Variants in RAD51B observed in about 807,000 individuals in gnomAD.
RAD51B encodes the protein RAD51 paralog B.
Under a neutral mutation model 42.2 loss-of-function variants are expected in RAD51B, and 38 were observed. The observed-to-expected ratio is 0.90, with a 90% CI of 0.70 to 1.18. The LOEUF (loss-of-function observed/expected upper bound fraction) is 1.18, where lower values mean the gene tolerates loss of function less well. RAD51B is among the 50% of genes most tolerant of loss of function. The pLI is 0.00. For missense variants in RAD51B, 373 were observed against 400.7 expected, an observed-to-expected ratio of 0.93 and a Z score of 0.59; for synonymous variants, 154 against 145.2, an observed-to-expected ratio of 1.06 and a Z score of -0.43.
At chr14:68,404,215 A>C (rs2084199745) in intron 8 of RAD51B, among the ~76,000 whole-genome samples, 1 of 152,202 alleles carries the variant, frequency 6.6e-6, no homozygotes, top group Admixed American at 6.5e-5. Flanking sequence ...GAATTAACCA[A>C]ATTCCAGACA....
chr14:68,336,866 C>T (rs1471797783), intron 8 of RAD51B, among the ~76,000 whole-genome samples: 1 of 152,124 alleles, frequency 6.6e-6, no homozygotes, highest in African/African-American at 2.4e-5. Context: ...GTGCTTTTAA[C>T]CAAATAATGT....
chr14:68,131,219 A>G (rs188877752), intron 7 of RAD51B, among the ~76,000 whole-genome samples: 48 of 152,312 alleles, frequency 3.2e-4, no homozygotes, highest in Middle Eastern at 3.4e-3. Context: ...AAAGGCTGCA[A>G]TGTCACTTAG....
intron 7 of RAD51B, among the ~76,000 whole-genome samples, chr14:68,221,888 G>A (rs940536311): frequency 1.3e-5 from 2 of 152,116 alleles, no homozygotes; most frequent in Non-Finnish European, 2.9e-5. Context: ...GACATGAATA[G>A]ACAATTCTGA....
In RAD51B at chr14:68,618,993, C is replaced by T. The variant is rs1891884132; in HGVS notation, c.1037-31788C>T. Among the ~76,000 whole-genome samples the T allele has an allele frequency of 1.3e-5, 2 of 152,224 alleles. 1 individual carries two copies. The highest frequency in any genetic ancestry group is 4.1e-4 in the South Asian group (2 of 4,832). On this transcript the variant is annotated intron_variant, in intron 10 of 11. Coordinates refer to the RAD51B transcript ENST00000488612. ...AGGAGGAGGCCAGATAAAGACCACT[C>T]ACGTAGAGACAACTATCATTTGGGG...
intron 7 of RAD51B, among the ~76,000 whole-genome samples, chr14:68,147,613 G>A (rs942974873): frequency 1.1e-4 from 17 of 151,916 alleles, no homozygotes; most frequent in African/African-American, 4.1e-4. Context: ...ATGCCCAATT[G>A]TATCCCCTTC....
rs552081119 is a variant in RAD51B, at chr14:68,624,563, C to T, written c.1037-26218C>T. Among the ~76,000 whole-genome samples, 13 of 152,304 alleles carry T rather than the reference C, an allele frequency of 8.5e-5. No individual in the cohort carries two copies. In the East Asian group the frequency reaches 2.5e-3, roughly 29 times the overall value. On this transcript the variant is annotated intron_variant, in intron 10 of 11. Transcript: ENST00000488612. ...GTTCCCTACCCTCATAATTCCAAAT[C>T]CTCTGTGGCTCTTGGACCAGGCAAT...
At chr14:68,150,780 A>G (rs370062584) in intron 7 of RAD51B, among the ~76,000 whole-genome samples, 16 of 152,240 alleles carry the variant, frequency 1.1e-4, no homozygotes, top group African/African-American at 3.9e-4. Flanking sequence ...TTGACAGTAT[A>G]TATCTTTAAC....
At chr14:68,160,402 C>T (rs2078613057) in intron 7 of RAD51B, among the ~76,000 whole-genome samples, 1 of 152,184 alleles carries the variant, frequency 6.6e-6, no homozygotes, top group African/African-American at 2.4e-5. Flanking sequence ...GGTTGCCACT[C>T]AAGTGCAGTC....
intron 7 of RAD51B, among the ~76,000 whole-genome samples, chr14:68,227,734 A>G (rs1331448419): frequency 6.6e-6 from 1 of 152,122 alleles, no homozygotes; most frequent in Non-Finnish European, 1.5e-5. Context: ...AGACACTTAC[A>G]TATTCAGATT....
At chr14:68,227,835 C>T (rs895975639) in intron 7 of RAD51B, among the ~76,000 whole-genome samples, 6 of 152,080 alleles carry the variant, frequency 3.9e-5, no homozygotes, top group Non-Finnish European at 7.4e-5. Flanking sequence ...GCCTACATAA[C>T]GGCTTTGAAA....
chr14:68,302,118 G>A (rs948932016), intron 8 of RAD51B, among the ~76,000 whole-genome samples: 2 of 152,200 alleles, frequency 1.3e-5, no homozygotes, highest in Non-Finnish European at 2.9e-5. Flanking sequence ...CTTCACACAA[G>A]GGTGGTGACT....
intron 7 of RAD51B, among the ~76,000 whole-genome samples, chr14:67,954,418 T>G (rs2074509563): frequency 6.6e-6 from 1 of 152,170 alleles, no homozygotes; most frequent in Non-Finnish European, 1.5e-5. Flanking sequence ...GTTTGCTTTC[T>G]AAATCAGCAC....
intron 7 of RAD51B, among the ~76,000 whole-genome samples, chr14:68,226,238 A>G (rs1034849613): frequency 1.3e-5 from 2 of 152,224 alleles, no homozygotes; most frequent in African/African-American, 4.8e-5. Context: ...TCTAATCTAT[A>G]AAATGAGGGA....
intron 7 of RAD51B, among the ~76,000 whole-genome samples, chr14:67,979,811 T>C (rs898415550): frequency 2.6e-5 from 4 of 152,164 alleles, no homozygotes; most frequent in African/African-American, 4.8e-5. Flanking sequence ...CTGGAGTCTT[T>C]TATACTTCTG....
intron 11 of RAD51B, among the ~76,000 whole-genome samples, chr14:68,662,226 C>T (rs1221948920): frequency 6.6e-6 from 1 of 152,238 alleles, no homozygotes; most frequent in Non-Finnish European, 1.5e-5. Flanking sequence ...TTCACGTCGA[C>T]TTTACAGTCA....
At chr14:68,338,516 G>A (rs2082503692) in intron 8 of RAD51B, among the ~76,000 whole-genome samples, 1 of 152,210 alleles carries the variant, frequency 6.6e-6, no homozygotes, top group African/African-American at 2.4e-5. Flanking sequence ...GATCTGATCA[G>A]TCTGGCACAG....
intron 10 of RAD51B, among the ~76,000 whole-genome samples, chr14:68,608,031 A>G (rs986024990): frequency 6.6e-6 from 1 of 152,196 alleles, no homozygotes; most frequent in Non-Finnish European, 1.5e-5. Context: ...TATGAGGCCA[A>G]AGGTTCTGAG....
intron 7 of RAD51B, among the ~76,000 whole-genome samples, chr14:68,211,423 T>C (rs2079705320): frequency 1.3e-5 from 2 of 152,200 alleles, no homozygotes; most frequent in South Asian, 2.1e-4. Context: ...ACCTTCACTA[T>C]TGTAGCACCT....
chr14:68,661,995 C>T (rs1286510381), intron 11 of RAD51B, among the ~76,000 whole-genome samples: 1 of 152,244 alleles, frequency 6.6e-6, no homozygotes, highest in Non-Finnish European at 1.5e-5. Context: ...TTCACACATT[C>T]TCGTGTGACA....
Sources: gnomAD v4.1 joint callset for allele counts (sites outside exome capture counted in the v4.1 genomes callset) on GRCh38, gnomAD v4.1.1 for gene constraint, MANE v1.5 for transcripts, NCBI Gene and HGNC (gene_info 2026-07-23, HGNC 2026-07-21) for gene names.